The following MYO3A variants were observed in gnomAD, a reference collection of about 807,000 sequenced individuals.
The protein encoded by MYO3A is myosin-IIIa.
Under a neutral mutation model 192.7 loss-of-function variants are expected in MYO3A, and 180 were observed. That is an observed-to-expected ratio of 0.93 (90% CI 0.83 to 1.06). MYO3A has a LOEUF of 1.06. MYO3A is among the 50% of genes least tolerant of loss of function. The pLI, the probability that MYO3A is intolerant of heterozygous loss-of-function variation, is 0.00. For synonymous variants in MYO3A, 628 were observed against 645.3 expected (o/e 0.97, Z 0.41); for missense variants, 1,896 against 1,905.0 (o/e 1.00, Z 0.09).
chr10:26,052,569 A>C (rs1844067466), intron 10 of MYO3A, among the ~76,000 whole-genome samples: 1 of 152,226 alleles, frequency 6.6e-6, no homozygotes, highest in African/African-American at 2.4e-5. Context: ...CGTCGGTACT[A>C]CCAATGCTGG....
At chr10:25,958,426 C>T (rs1431124441) in intron 4 of MYO3A, among the ~76,000 whole-genome samples, 1 of 152,076 alleles carries the variant, frequency 6.6e-6, no homozygotes. Context: ...TTTCTGGGCT[C>T]TCTGTTCTGT....
chr10:26,054,062 T>A (rs561125101), intron 10 of MYO3A, among the ~76,000 whole-genome samples: 3 of 151,898 alleles, frequency 2.0e-5, no homozygotes, highest in Non-Finnish European at 2.9e-5. Context: ...CGAGGAGTAA[T>A]TGGGGACACA....
chr10:25,988,142 A>T (rs1371469481), intron 4 of MYO3A, among the ~76,000 whole-genome samples: 1 of 152,176 alleles, frequency 6.6e-6, no homozygotes, highest in Non-Finnish European at 1.5e-5. Flanking sequence ...ATTCTCACTC[A>T]TATGTGAGAG....
intron 4 of MYO3A, among the ~76,000 whole-genome samples, chr10:25,964,575 A>T (rs1261993908): frequency 6.6e-6 from 1 of 152,040 alleles, no homozygotes; most frequent in Non-Finnish European, 1.5e-5. Flanking sequence ...TGTTGCAGTT[A>T]TTATTTTTGA....
intron 20 of MYO3A, among the ~76,000 whole-genome samples, chr10:26,133,008 T>C (rs1035252521): frequency 6.6e-6 from 1 of 152,234 alleles, no homozygotes; most frequent in African/African-American, 2.4e-5. Context: ...TCAAAACTTT[T>C]TACATTATAA....
chr10:26,193,413 C>G (rs747782214), intron 32 of MYO3A, 102 bp downstream of exon 32: 4 of 962,240 alleles, frequency 4.2e-6, no homozygotes, highest in Non-Finnish European at 6.5e-6. Context: ...GAAGGCCTGG[C>G]AGGACAGAGA....
Position 25,954,931 on chromosome 10 carries a change from C to A in MYO3A, c.226C>A (p.Pro76Thr), listed in dbSNP as rs1439019644. 1 of 1,610,108 alleles carries A rather than the reference C, an allele frequency of 6.2e-7. No homozygotes were observed. Among genetic ancestry groups the A allele is most frequent in the South Asian group, 1.1e-5 (1 of 90,988 alleles). Reference sequence around the variant, plus strand: ...CATCTTAAAAGCACTTTCTGACCACCCTAATGTGGTCAGATTCTATGGGAT... The same window carrying A: ...CATCTTAAAAGCACTTTCTGACCACACTAATGTGGTCAGATTCTATGGGAT... ...YNILKALSDH[P>T]NVVRFYGIYF... Residue 76 changes from proline to threonine, a missense_variant, in exon 4 of 35, where the codon CCT becomes ACT. Transcript: ENST00000642920.
intron 10 of MYO3A, among the ~76,000 whole-genome samples, chr10:26,055,293 A>G (rs1844248216): frequency 6.6e-6 from 1 of 152,136 alleles, no homozygotes; most frequent in Non-Finnish European, 1.5e-5. Flanking sequence ...GCATTTAAGG[A>G]GGTTAGAAGT....
Position 26,208,547 on chromosome 10 carries a change from T to C in MYO3A, c.4731-3296T>C, listed in dbSNP as rs77677936. On this transcript the variant is annotated intron_variant, in intron 34 of 34. Coordinates refer to ENST00000642920, the MANE Select transcript of MYO3A (RefSeq NM_017433.5). ...TCCTTAGAATTAGAAATAATGTTTG[T>C]GATATACCTGGCAGATAGTTGATAT... Among the ~76,000 whole-genome samples, 66 of 152,316 alleles carry C rather than the reference T, an allele frequency of 4.3e-4. 1 individual carries two copies. In the East Asian group the frequency reaches 0.012, roughly 28 times the overall value.
At chr10:26,084,394 G>A (rs1310102144) in intron 14 of MYO3A, among the ~76,000 whole-genome samples, 1 of 152,174 alleles carries the variant, frequency 6.6e-6, no homozygotes, top group Non-Finnish European at 1.5e-5. Flanking sequence ...AAATTGGCCT[G>A]TGGTTTTCTT....
chr10:26,179,994 T>A (rs1589090335), intron 31 of MYO3A, among the ~76,000 whole-genome samples: 1 of 152,206 alleles, frequency 6.6e-6, no homozygotes, highest in East Asian at 1.9e-4. Context: ...GCACCACGCC[T>A]GGCTACTTTT....
Position 26,034,653 on chromosome 10 carries a change from T to TC in MYO3A, c.953+8122dup, listed in dbSNP as rs150217907. The stretch of plus-strand genomic sequence containing the variant: ...GGCCATTTGCTATGACCAGATCTAG[T>TC]CGCTAGTCTAGAAAAAAATAGAAAA... On this transcript the variant is annotated intron_variant, in intron 10 of 34. Transcript: ENST00000642920. Among the ~76,000 whole-genome samples the TC allele has an allele frequency of 1.6e-3, 249 of 152,094 alleles. 1 individual carries two copies. Among genetic ancestry groups the TC allele is most frequent in the African/African-American group, 5.8e-3 (239 of 41,474 alleles).
At chr10:26,135,015 T>A (rs896747904) in intron 20 of MYO3A, among the ~76,000 whole-genome samples, 1 of 152,176 alleles carries the variant, frequency 6.6e-6, no homozygotes, top group African/African-American at 2.4e-5. Context: ...TTATAACATA[T>A]CCAAGCAGTT....
At chr10:26,153,623 CT>C (rs1240881123) in intron 23 of MYO3A, among the ~76,000 whole-genome samples, 1 of 152,184 alleles carries the variant, frequency 6.6e-6, no homozygotes, top group East Asian at 1.9e-4. Flanking sequence ...ACACCTCAGC[CT>C]TTTCTGTTTT....
At chr10:25,942,831 A>C (rs1198137204) in intron 2 of MYO3A, among the ~76,000 whole-genome samples, 1 of 150,280 alleles carries the variant, frequency 6.7e-6, no homozygotes, top group Non-Finnish European at 1.5e-5. Context: ...TATATTCTGT[A>C]TGTTAACCCT....
chr10:26,156,059 T>G lies in MYO3A; in HGVS notation c.2793+1236T>G, dbSNP rs115336162. ...TTAGTCCCTCAGAAAAACCAGCGCCTAAATTGCAGGAAGGTCCTGCTTAGA... is the reference window on the plus strand; with the variant it reads ...TTAGTCCCTCAGAAAAACCAGCGCCGAAATTGCAGGAAGGTCCTGCTTAGA... On this transcript the variant is annotated intron_variant, in intron 25 of 34. Transcript: ENST00000642920. Among the ~76,000 whole-genome samples, 1,391 of 152,300 alleles carry G rather than the reference T, an allele frequency of 9.1e-3. 22 individuals carry two copies. The highest frequency in any genetic ancestry group is 0.031 in the African/African-American group (1,281 of 41,562).
intron 10 of MYO3A, among the ~76,000 whole-genome samples, chr10:26,048,372 G>A (rs568891623): frequency 1.3e-4 from 20 of 149,792 alleles, no homozygotes; most frequent in South Asian, 2.1e-4. Flanking sequence ...TTTTTTAAGC[G>A]AAAAATCTGA....
At chr10:25,996,878 T>G (rs1211517392) in intron 5 of MYO3A, among the ~76,000 whole-genome samples, 1 of 152,188 alleles carries the variant, frequency 6.6e-6, no homozygotes, top group Non-Finnish European at 1.5e-5. Flanking sequence ...TTGGCCATTA[T>G]CTTAGATAGG....
chr10:26,007,429 A>G (rs1044863931), intron 6 of MYO3A, among the ~76,000 whole-genome samples: 13 of 150,076 alleles, frequency 8.7e-5, no homozygotes, highest in Non-Finnish European at 1.3e-4. Context: ...TTAGGAAAAG[A>G]GGAAGTCAAA....
Sources: allele counts gnomAD v4.1 joint callset (sites outside exome capture counted in the v4.1 genomes callset), GRCh38; gene constraint gnomAD v4.1.1; transcripts MANE v1.5; gene names NCBI Gene and HGNC (gene_info 2026-07-23, HGNC 2026-07-21).